MORN1: variants seen among roughly 807,000 people sequenced by gnomAD.
MORN1 encodes the protein MORN repeat-containing protein 1.
In MORN1, 67 loss-of-function variants were observed where a neutral mutation model predicts 61.9. The observed-to-expected ratio is 1.08, with a 90% confidence interval of 0.89 to 1.33. The LOEUF (loss-of-function observed/expected upper bound fraction) is 1.33. MORN1 is among the 40% of genes most tolerant of loss of function. The probability of loss-of-function intolerance (pLI) is 0.00; values close to 1 mark genes in which losing one functional copy is unlikely to be tolerated. For missense variants in MORN1, 752 were observed against 691.2 expected (o/e 1.09, Z -0.99); for synonymous variants, 301 against 292.0 (o/e 1.03, Z -0.31).
intron 8 of MORN1, 78 bp from the exon 9 acceptor site, chr1:2,358,793 G>C: frequency 1.3e-6 from 2 of 1,523,712 alleles, no homozygotes; most frequent in South Asian, 2.4e-5. Context: ...GCAGGCTTCT[G>C]GGACGCTGTG....
intron 10 of MORN1, among the ~76,000 whole-genome samples, chr1:2,347,755 C>T (rs1333161681): frequency 2.0e-5 from 3 of 152,144 alleles, no homozygotes; most frequent in African/African-American, 7.2e-5. Flanking sequence ...GAGGCTCCTG[C>T]TCGGCCCCCG....
chr1:2,383,120 T>C (rs1310668090), intron 6 of MORN1, among the ~76,000 whole-genome samples: 1 of 152,150 alleles, frequency 6.6e-6, no homozygotes, highest in Non-Finnish European at 1.5e-5. Context: ...CACCTCTCAG[T>C]TCCCAGCACC....
At chr1:2,331,837 T>C (rs1245839197) in intron 12 of MORN1, among the ~76,000 whole-genome samples, 1 of 126,124 alleles carries the variant, frequency 7.9e-6, no homozygotes, top group African/African-American at 3.4e-5. Flanking sequence ...CGCCTCTCCC[T>C]CGTGCGGCTC....
At chr1:2,388,545 A>G (rs1189430468) in intron 2 of MORN1, 2 of 522,602 alleles carry the variant, frequency 3.8e-6, no homozygotes, top group African/African-American at 3.9e-5. Flanking sequence ...CGGCGCCTTC[A>G]GCCAGAACAA....
intron 10 of MORN1, among the ~76,000 whole-genome samples, chr1:2,342,350 G>A (rs1462399268): frequency 6.6e-6 from 1 of 152,262 alleles, no homozygotes; most frequent in African/African-American, 2.4e-5. Flanking sequence ...CGCGGCAGGC[G>A]CAGGACCTGG....
At position 2,366,515 on chromosome 1, in the gene MORN1, C is replaced by T. The variant is rs1570003486; in HGVS notation, c.745+5966G>A. On this transcript the variant is annotated intron_variant, in intron 8 of 13. Transcript: ENST00000378531. The stretch of plus-strand genomic sequence containing the variant: ...AAAAAAAAATAAAAGCAGAAATAGG[C>T]AAATCTTTTGTTTGTTTGCTTGTTT... Among the ~76,000 whole-genome samples the T allele has an allele frequency of 2.0e-5, 3 of 151,944 alleles. No individual in the cohort carries two copies. The South Asian group carries it at 6.2e-4, about 32-fold the overall frequency.
intron 9 of MORN1, among the ~76,000 whole-genome samples, chr1:2,358,206 G>A (rs1641816204): frequency 6.6e-6 from 1 of 152,100 alleles, no homozygotes; most frequent in African/African-American, 2.4e-5. Flanking sequence ...GGCCTGGCTG[G>A]TAAGGGCCAC....
rs779683529 is a variant in MORN1 at position 2,336,519 on chromosome 1, C to T, written c.1200G>A (p.Leu400=). ...CCGTGGGTGGTGTCCCCCTGGGGTG[C>T]AGGCCGCCTCTGGATCTGCCGCCTG... The part of the protein sequence containing the change: ...KKAGGRSRGG[L]HPRGTPPTAQ... Residue 400 remains leucine, a synonymous_variant, in exon 12 of 14, where the codon CTG becomes CTA. Transcript: ENST00000378531. 4.1e-5 allele frequency: 66 copies of T among 1,612,718 alleles called. 1 individual carries two copies. The South Asian group carries it at 7.0e-4, about 17-fold the overall frequency.
intron 4 of MORN1, 127 bp from the exon 5 acceptor site, chr1:2,386,024 G>A: frequency 1.3e-6 from 1 of 750,616 alleles, no homozygotes; most frequent in Non-Finnish European, 2.3e-6. Flanking sequence ...TGGGGCTCAG[G>A]GCCCCCCAGG....
rs767645472 is a variant in MORN1, at chr1:2,357,628, A to G, written c.870-30T>C. On this transcript the variant is annotated intron_variant, in intron 9 of 13. Transcript: ENST00000378531. This position sits in a 1 kb window ranked among gnomAD's most constrained non-coding sequence, Gnocchi z 6.3. ...AAAGGAATGGGGGCAGCTTGGCTCTACTCACCCCACACCAAACTAGGGTGC... is the reference window on the plus strand; with the variant it reads ...AAAGGAATGGGGGCAGCTTGGCTCTGCTCACCCCACACCAAACTAGGGTGC... 1 of 1,556,270 alleles carries G rather than the reference A, an allele frequency of 6.4e-7. No homozygotes were observed. The highest frequency in any genetic ancestry group is 2.3e-5 in the East Asian group (1 of 43,544).
intron 4 of MORN1, chr1:2,386,203 T>G (rs1642495005): frequency 2.6e-6 from 1 of 385,840 alleles, no homozygotes; most frequent in Non-Finnish European, 4.9e-6. Context: ...CCCTGCGGAC[T>G]GCCATCTGAG....
chr1:2,359,776 T>C (rs1009927465), intron 8 of MORN1, among the ~76,000 whole-genome samples: 4 of 151,050 alleles, frequency 2.6e-5, no homozygotes, highest in African/African-American at 9.8e-5. Flanking sequence ...CCCAGCTCCT[T>C]GGAGGTTGAG....
intron 5 of MORN1, 155 bp from the exon 6 acceptor site, chr1:2,385,220 G>T (rs1642466212): frequency 1.4e-6 from 1 of 721,590 alleles, no homozygotes; most frequent in Non-Finnish European, 2.3e-6. Context: ...GCCTCGCCAG[G>T]GCCAGCTGGG....
intron 12 of MORN1, among the ~76,000 whole-genome samples, chr1:2,333,343 C>T (rs1387265512): frequency 6.6e-6 from 1 of 152,230 alleles, no homozygotes. Context: ...GCCCAGCTCC[C>T]GAAGCCTCCT....
chr1:2,342,230 C>A (rs75468915), intron 10 of MORN1, among the ~76,000 whole-genome samples: 1 of 152,198 alleles, frequency 6.6e-6, no homozygotes, highest in Admixed American at 6.5e-5. Flanking sequence ...TATCTTTTTA[C>A]GGCGGACTCA....
At chr1:2,379,036 A>C (rs1352732490) in intron 6 of MORN1, 12 of 470,992 alleles carry the variant, frequency 2.5e-5, no homozygotes, top group Non-Finnish European at 5.3e-5. Context: ...TTTTTAAAAA[A>C]AGGTTCTTCA....
At chr1:2,353,311 GGAT>G (rs1641690723) in intron 10 of MORN1, among the ~76,000 whole-genome samples, 2 of 152,266 alleles carry the variant, frequency 1.3e-5, no homozygotes, top group East Asian at 3.8e-4. Flanking sequence ...TTTTCTTTCA[GGAT>G]GATGGCTAAA....
chr1:2,329,595 C>T (rs1431036371), intron 12 of MORN1, among the ~76,000 whole-genome samples: 1 of 152,190 alleles, frequency 6.6e-6, no homozygotes, highest in Non-Finnish European at 1.5e-5. Context: ...CAGTGGGTCT[C>T]CTGGGTGCCT....
At chr1:2,369,355 G>GAAA (rs55703845) in intron 8 of MORN1, among the ~76,000 whole-genome samples, 43 of 79,980 alleles carry the variant, frequency 5.4e-4, no homozygotes, top group East Asian at 6.6e-4. Context: ...CTCAGTCTCA[G>GAAA]AAAAAAAAAA....
Sources: gnomAD v4.1 joint callset for allele counts (sites outside exome capture counted in the v4.1 genomes callset) on GRCh38, gnomAD v4.1.1 for gene constraint, Gnocchi (gnomAD v3.1) non-coding constraint, MANE v1.5 for transcripts, NCBI Gene and HGNC (gene_info 2026-07-23, HGNC 2026-07-21) for gene names.